The following RNF220 variants were observed in gnomAD, a reference collection of about 807,000 sequenced individuals.
The protein encoded by RNF220 is E3 ubiquitin-protein ligase RNF220.
A neutral mutation model predicts 67.1 loss-of-function variants in RNF220; 7 were observed. The ratio of observed to expected loss-of-function variants is 0.10; its 90% CI spans 0.06 to 0.20. RNF220 has a LOEUF of 0.20. Ranked by LOEUF, RNF220 falls within the 10% of genes least tolerant of loss-of-function variation. The pLI is 1.00. For synonymous variants in RNF220, 270 were observed against 283.2 expected, an observed-to-expected ratio of 0.95 and a Z score of 0.47; for missense variants, 565 against 740.3, an observed-to-expected ratio of 0.76 and a Z score of 2.75.
chr1:44,590,403 A>G lies in RNF220; in HGVS notation c.626-23762A>G, dbSNP rs143067415. Among the ~76,000 whole-genome samples the G allele has an allele frequency of 5.9e-4, 89 of 151,970 alleles. 1 individual carries two copies. The East Asian group carries it at 0.017, about 28-fold the overall frequency. On this transcript the variant is annotated intron_variant, in intron 2 of 14. Transcript: ENST00000361799. ...GCTCTCCATGATCTCAGTATTCTCC[A>G]TCCTTCACGGGGCTTCCTCTCAGTG...
At chr1:44,584,932 C>A (rs1444478127) in intron 2 of RNF220, among the ~76,000 whole-genome samples, 2 of 152,196 alleles carry the variant, frequency 1.3e-5, no homozygotes, top group African/African-American at 4.8e-5. Flanking sequence ...CTCCTGACCT[C>A]AAGTGATCTG....
intron 2 of RNF220, among the ~76,000 whole-genome samples, chr1:44,547,561 G>A (rs1662273149): frequency 6.6e-6 from 1 of 151,784 alleles, no homozygotes; most frequent in South Asian, 2.1e-4. Flanking sequence ...ATAAAAGTAG[G>A]TGTTTCCCAG....
At chr1:44,634,253 G>T (rs1644259061) in intron 6 of RNF220, among the ~76,000 whole-genome samples, 1 of 152,234 alleles carries the variant, frequency 6.6e-6, no homozygotes. Flanking sequence ...TGTGAAGTCA[G>T]TTCTGGTTTC....
intron 3 of RNF220, 37 bp downstream of exon 3, chr1:44,614,334 G>A (rs1643451002): frequency 6.2e-7 from 1 of 1,608,150 alleles, no homozygotes; most frequent in Middle Eastern, 1.8e-4. Context: ...TGCTGGAGGA[G>A]TCCACTCAGG....
At chr1:44,419,142 A>C (rs1367161542) in intron 2 of RNF220, among the ~76,000 whole-genome samples, 1 of 152,252 alleles carries the variant, frequency 6.6e-6, no homozygotes, top group Non-Finnish European at 1.5e-5. Flanking sequence ...TGCAGACTTA[A>C]GGATAATTTA....
At chr1:44,418,658 C>A (rs1317870972) in intron 2 of RNF220, among the ~76,000 whole-genome samples, 1 of 151,356 alleles carries the variant, frequency 6.6e-6, no homozygotes, top group Non-Finnish European at 1.5e-5. Context: ...AAAAAACACA[C>A]ACACATTGTA....
At chr1:44,481,120 T>C (rs1655765477) in intron 2 of RNF220, among the ~76,000 whole-genome samples, 1 of 152,098 alleles carries the variant, frequency 6.6e-6, no homozygotes, top group East Asian at 1.9e-4. Context: ...TGGAGGTGTC[T>C]GGGGATAAAG....
chr1:44,594,115 A>G (rs530969458), intron 2 of RNF220, among the ~76,000 whole-genome samples: 31 of 152,164 alleles, frequency 2.0e-4, no homozygotes, highest in Admixed American at 5.9e-4. Context: ...ATAAACTCTT[A>G]TAGTCCAGCT....
intron 2 of RNF220, among the ~76,000 whole-genome samples, chr1:44,529,032 G>T (rs976918873): frequency 2.6e-5 from 4 of 152,186 alleles, no homozygotes; most frequent in Non-Finnish European, 4.4e-5. Flanking sequence ...AAGCAATTTT[G>T]TAATGTGTAG....
chr1:44,584,357 T>C (rs1665540294), intron 2 of RNF220, among the ~76,000 whole-genome samples: 1 of 152,236 alleles, frequency 6.6e-6, no homozygotes, highest in East Asian at 1.9e-4. Context: ...GCGTGGTTCA[T>C]TCCTCTTTTA....
chr1:44,504,644 C>T (rs907294818), intron 2 of RNF220, among the ~76,000 whole-genome samples: 6 of 152,052 alleles, frequency 3.9e-5, no homozygotes, highest in African/African-American at 1.4e-4. Context: ...AGAGCAAAGT[C>T]CCCTCTTCCA....
chr1:44,444,339 C>T (rs765039507), intron 2 of RNF220, among the ~76,000 whole-genome samples: 4 of 151,960 alleles, frequency 2.6e-5, no homozygotes, highest in Non-Finnish European at 4.4e-5. Context: ...GTGTTTTGCT[C>T]TTTCTGTTCT....
intron 2 of RNF220, among the ~76,000 whole-genome samples, chr1:44,518,823 C>T (rs1226032065): frequency 1.3e-5 from 2 of 151,132 alleles, no homozygotes; most frequent in Non-Finnish European, 2.9e-5. Context: ...TGCAGTGAGC[C>T]GAGATTGTGC....
chr1:44,535,068 G>C (rs1168598031), intron 2 of RNF220, among the ~76,000 whole-genome samples: 1 of 152,014 alleles, frequency 6.6e-6, no homozygotes, highest in African/African-American at 2.4e-5. Context: ...GTAGGGGCTG[G>C]GAACTGGGGG....
intron 2 of RNF220, among the ~76,000 whole-genome samples, chr1:44,569,296 C>G (rs932853139): frequency 6.6e-6 from 1 of 152,158 alleles, no homozygotes; most frequent in Non-Finnish European, 1.5e-5. Context: ...AAAATCGCCT[C>G]ATTCATAATT....
chr1:44,595,368 G>A (rs1231455179), intron 2 of RNF220, among the ~76,000 whole-genome samples: 3 of 152,200 alleles, frequency 2.0e-5, no homozygotes, highest in East Asian at 3.9e-4. Flanking sequence ...CGGGCCCTGT[G>A]GTCCATCTGG....
chr1:44,435,889 TC>T (rs1322642380), intron 2 of RNF220, among the ~76,000 whole-genome samples: 2 of 151,830 alleles, frequency 1.3e-5, no homozygotes, highest in Non-Finnish European at 2.9e-5. Flanking sequence ...GCCGTTGCAC[TC>T]CGTCTTGGGT....
intron 2 of RNF220, among the ~76,000 whole-genome samples, chr1:44,420,532 G>C (rs1328556447): frequency 6.6e-6 from 1 of 152,200 alleles, no homozygotes; most frequent in Non-Finnish European, 1.5e-5. Flanking sequence ...TTGATTTAAA[G>C]GAAGTCAGAG....
At chr1:44,449,470 G>A (rs928943048) in intron 2 of RNF220, among the ~76,000 whole-genome samples, 1 of 151,858 alleles carries the variant, frequency 6.6e-6, no homozygotes, top group Admixed American at 6.6e-5. Flanking sequence ...CTGGAGTGTG[G>A]TGGTGCTATC....
Sources: allele counts gnomAD v4.1 joint callset (sites outside exome capture counted in the v4.1 genomes callset), GRCh38; gene constraint gnomAD v4.1.1; transcripts MANE v1.5; gene names NCBI Gene and HGNC (gene_info 2026-07-23, HGNC 2026-07-21).